The following CTNND2 variants were observed in gnomAD, a reference collection of about 807,000 sequenced individuals.
CTNND2 encodes the protein catenin delta 2.
Under a neutral mutation model 144.4 loss-of-function variants are expected in CTNND2, and 22 were observed. That is an observed-to-expected ratio of 0.15 (90% CI 0.11 to 0.22). The LOEUF (loss-of-function observed/expected upper bound fraction) is 0.22, where lower values mean the gene tolerates loss of function less well. CTNND2 is among the 10% of genes least tolerant of loss of function. The probability of loss-of-function intolerance (pLI) is 1.00; values close to 1 mark genes in which losing one functional copy is unlikely to be tolerated. For missense variants in CTNND2, 1,353 were observed against 1,618.8 expected (o/e 0.84, Z 2.82); for synonymous variants, 751 against 695.6 (o/e 1.08, Z -1.25).
intron 2 of CTNND2, among the ~76,000 whole-genome samples, chr5:11,616,617 C>CTT (rs35888208): frequency 1.4e-5 from 2 of 143,226 alleles, no homozygotes; most frequent in African/African-American, 2.6e-5. Context: ...TTCCTTCCTT[C>CTT]TTTTTTTTTT....
chr5:11,577,062 G>A (rs2150124199), intron 2 of CTNND2, among the ~76,000 whole-genome samples: 1 of 152,252 alleles, frequency 6.6e-6, no homozygotes, highest in East Asian at 1.9e-4. Flanking sequence ...GGGGTGTATT[G>A]AGTCTTTCGC....
At chr5:11,743,685 T>C (rs982108147) in intron 1 of CTNND2, among the ~76,000 whole-genome samples, 1 of 152,104 alleles carries the variant, frequency 6.6e-6, no homozygotes, top group Non-Finnish European at 1.5e-5. Context: ...GTCTTATTCA[T>C]GGAGGCGGCT....
chr5:11,367,267 C>T, intron 7 of CTNND2, among the ~76,000 whole-genome samples: 1 of 152,032 alleles, frequency 6.6e-6, no homozygotes, highest in Admixed American at 6.5e-5. Context: ...CAGTTATTGG[C>T]AAGAGAGACA....
At chr5:11,254,406 A>C (rs1238847177) in intron 9 of CTNND2, among the ~76,000 whole-genome samples, 3 of 143,440 alleles carry the variant, frequency 2.1e-5, no homozygotes, top group Non-Finnish European at 3.2e-5. Context: ...GTCTGGGCAC[A>C]AAAGAATAAT....
rs1158220629 is a variant in CTNND2, at chr5:11,596,945, CT to C, written c.175-31890del. Among the ~76,000 whole-genome samples, 9 of 152,236 alleles carry C rather than the reference CT, an allele frequency of 5.9e-5. No homozygotes were observed. In the East Asian group the frequency reaches 1.7e-3, roughly 29 times the overall value. On this transcript the variant is annotated intron_variant, in intron 2 of 21. Coordinates refer to ENST00000304623, the MANE Select transcript of CTNND2 (RefSeq NM_001332.4). ...TTCTAGTATATTTGTTCCATTTCTT[CT>C]TGACTGCCTGAGAACAAGCTCTCAT...
At chr5:11,637,009 T>C (rs1308887331) in intron 2 of CTNND2, among the ~76,000 whole-genome samples, 1 of 152,144 alleles carries the variant, frequency 6.6e-6, no homozygotes, top group Admixed American at 6.6e-5. Context: ...GTTACCAGCA[T>C]GAAAAGGAGT....
chr5:11,597,727 C>T (rs542339021), intron 2 of CTNND2, among the ~76,000 whole-genome samples: 4 of 152,052 alleles, frequency 2.6e-5, no homozygotes, highest in African/African-American at 9.7e-5. Context: ...GTGTGGTCCA[C>T]CATGCCCAGC....
intron 11 of CTNND2, among the ~76,000 whole-genome samples, chr5:11,192,634 A>G (rs903444683): frequency 6.6e-6 from 1 of 152,126 alleles, no homozygotes; most frequent in Admixed American, 6.5e-5. Context: ...CTTTGAAGGC[A>G]GTGGAAAGGG....
chr5:11,603,231 C>T (rs1297349225), intron 2 of CTNND2, among the ~76,000 whole-genome samples: 2 of 152,090 alleles, frequency 1.3e-5, no homozygotes, highest in East Asian at 3.9e-4. Flanking sequence ...GAACAGATTC[C>T]ATGTATACTT....
At chr5:11,253,167 C>A (rs1439445883) in intron 9 of CTNND2, among the ~76,000 whole-genome samples, 4 of 152,144 alleles carry the variant, frequency 2.6e-5, no homozygotes, top group South Asian at 4.1e-4. Context: ...TTACACCTCT[C>A]CTTTTCTTTT....
At chr5:11,431,047 C>G (rs1225167248) in intron 3 of CTNND2, among the ~76,000 whole-genome samples, 1 of 152,146 alleles carries the variant, frequency 6.6e-6, no homozygotes, top group Non-Finnish European at 1.5e-5. Context: ...GAGAATTAGT[C>G]AGTAGAAATA....
chr5:11,634,411 G>A (rs1453520283), intron 2 of CTNND2, among the ~76,000 whole-genome samples: 1 of 152,044 alleles, frequency 6.6e-6, no homozygotes, highest in East Asian at 1.9e-4. Flanking sequence ...TGCTCCACGG[G>A]GATATGAAGG....
Position 11,524,546 on chromosome 5 carries a change from G to GT in CTNND2, c.287+40397dup. On this transcript the variant is annotated intron_variant, in intron 3 of 21. Coordinates refer to ENST00000304623, the MANE Select transcript of CTNND2 (RefSeq NM_001332.4). ...ACACAGGGAACCCTGCATTAACACAGTTTCTTTCCCCCAACAAAGCCCTGC... is the reference window on the plus strand; with the variant it reads ...ACACAGGGAACCCTGCATTAACACAGTTTTCTTTCCCCCAACAAAGCCCTGC... 1.3e-5 allele frequency among the ~76,000 whole-genome samples: 2 copies of GT among 152,122 alleles called. 1 individual carries two copies. The highest frequency in any genetic ancestry group is 4.8e-5 in the African/African-American group (2 of 41,428).
At chr5:11,278,605 T>G (rs772402372) in intron 9 of CTNND2, among the ~76,000 whole-genome samples, 1 of 152,148 alleles carries the variant, frequency 6.6e-6, no homozygotes, top group African/African-American at 2.4e-5. Context: ...GCTTCTGACA[T>G]GAGAGGAGAC....
intron 16 of CTNND2, among the ~76,000 whole-genome samples, chr5:11,041,951 T>C (rs1744732604): frequency 6.6e-6 from 1 of 152,228 alleles, no homozygotes; most frequent in African/African-American, 2.4e-5. Context: ...GTAAAGGCTC[T>C]GAGCAGACCA....
At chr5:11,622,584 T>A (rs2126431623) in intron 2 of CTNND2, among the ~76,000 whole-genome samples, 1 of 152,258 alleles carries the variant, frequency 6.6e-6, no homozygotes, top group East Asian at 1.9e-4. Flanking sequence ...GAACTGGCCA[T>A]GCAGTTAAAA....
intron 11 of CTNND2, among the ~76,000 whole-genome samples, chr5:11,167,247 T>C (rs1375556098): frequency 6.6e-6 from 1 of 152,172 alleles, no homozygotes; most frequent in African/African-American, 2.4e-5. Context: ...CACCGTAAAC[T>C]CTCATTCTAC....
intron 2 of CTNND2, among the ~76,000 whole-genome samples, chr5:11,723,350 T>G (rs917765771): frequency 6.6e-6 from 1 of 152,144 alleles, no homozygotes; most frequent in Admixed American, 6.5e-5. Context: ...CCTGATTAAA[T>G]GAGTTTTGAT....
intron 3 of CTNND2, among the ~76,000 whole-genome samples, chr5:11,534,898 A>C (rs17818434): frequency 0.016 from 2,436 of 152,246 alleles, 35 homozygotes; most frequent in Non-Finnish European, 0.026. Context: ...ACTTCAAAAA[A>C]AGATTTCTTG....
Sources: allele counts gnomAD v4.1 joint callset (sites outside exome capture counted in the v4.1 genomes callset), GRCh38; gene constraint gnomAD v4.1.1; transcripts MANE v1.5; gene names NCBI Gene and HGNC (gene_info 2026-07-23, HGNC 2026-07-21).